Variants in MKI67 observed in about 807,000 individuals in gnomAD.
MKI67 encodes the protein marker of proliferation Ki-67.
Under a neutral mutation model 233.5 loss-of-function variants are expected in MKI67, and 152 were observed. That is an observed-to-expected ratio of 0.65 (90% CI 0.57 to 0.74). The LOEUF (loss-of-function observed/expected upper bound fraction) is 0.74, where lower values mean the gene tolerates loss of function less well. Among genes scored for constraint, MKI67 ranks in the 30% least tolerant of loss-of-function variants. The probability of loss-of-function intolerance (pLI) is 0.00; values close to 1 mark genes in which losing one functional copy is unlikely to be tolerated. For missense variants in MKI67, 3,940 were observed against 3,885.2 expected (o/e 1.01, Z -0.37); for synonymous variants, 1,465 against 1,418.5 (o/e 1.03, Z -0.74).
chr10:128,125,859 A>G lies in MKI67; in HGVS notation c.-89-103T>C, dbSNP rs915658235. On this transcript the variant is annotated intron_variant, in intron 1 of 14. Coordinates refer to ENST00000368654, the MANE Select transcript of MKI67 (RefSeq NM_002417.5). This position sits in a 1 kb window ranked among gnomAD's most constrained non-coding sequence, Gnocchi z 5.3. ...ACAGAAGCGCACACCGCAGCTAGCT[A>G]GCGGGGACCCCAGGACGATCCGACC... is the stretch of plus-strand genomic sequence containing the variant. 5 of 621,086 alleles carry G rather than the reference A, an allele frequency of 8.1e-6. No homozygotes were observed. The African/African-American group carries it at 9.2e-5, about 11-fold the overall frequency. The allele number at this position is 621,086 out of a possible 1,614,324, so 38.5% of individuals were successfully genotyped here.
At chr10:128,119,195 C>T (rs1852873352) in intron 5 of MKI67, 58 bp downstream of exon 5, 2 of 1,215,496 alleles carry the variant, frequency 1.6e-6, no homozygotes, top group Non-Finnish European at 2.4e-6. Flanking sequence ...TTAAAGCATA[C>T]ATAAATGATT....
intron 14 of MKI67, 110 bp from the exon 15 acceptor site, chr10:128,099,365 A>G: frequency 1.7e-6 from 1 of 589,066 alleles, no homozygotes; most frequent in Non-Finnish European, 2.8e-6. Context: ...GCAGGTCCTT[A>G]GTTGCAGAAA....
Position 128,104,761 on chromosome 10 carries a change from G to A in MKI67, c.7079C>T (p.Pro2360Leu). Residue 2360 changes from proline to leucine, a missense_variant, in exon 13 of 15, where the codon CCC becomes CTC. Transcript: ENST00000368654. The part of the protein sequence containing the change: ...VDTPASTKQR[P>L]KRNLRKADVE... ...GTCTGCTTTCCTGAGGTTTCTCTTGGGCCGTTGCTTTGTGCTTGCTGGGGT... is the reference window on the plus strand; with the variant it reads ...GTCTGCTTTCCTGAGGTTTCTCTTGAGCCGTTGCTTTGTGCTTGCTGGGGT... 6.2e-7 allele frequency: 1 copy of A among 1,613,372 alleles called. No individual in the cohort carries two copies. Among genetic ancestry groups the A allele is most frequent in the East Asian group, 2.2e-5 (1 of 44,808 alleles).
In MKI67 at chr10:128,103,697, C is replaced by T; in HGVS notation, c.8143G>A (p.Asp2715Asn). The T allele has an allele frequency of 6.2e-7, 1 of 1,614,082 alleles. No individual in the cohort carries two copies. ...PCESPPLEVV[D>N]TTASTKRHLR... ...TGCCTCTTTGTGCTTGCTGTGGTGT[C>T]TACCACTTCTAGTGGGGGAGATTCG... The change falls in exon 13 of 15, where the codon GAC becomes AAC. Residue 2715 changes from aspartate (D) to asparagine (N), a missense_variant. Physicochemically the swap from Asp to Asn is conservative, Grantham distance 23 (BLOSUM62 1). Transcript: ENST00000368654.
chr10:128,120,940 C>T (rs901773527), intron 4 of MKI67, among the ~76,000 whole-genome samples: 1 of 152,102 alleles, frequency 6.6e-6, no homozygotes, highest in African/African-American at 2.4e-5. Flanking sequence ...CACAAGAGGT[C>T]ACCTGACAAC....
rs534128566 is a variant in MKI67 at position 128,103,168 on chromosome 10, C to T, written c.8672G>A (p.Arg2891Gln). The change falls in exon 13 of 15, where the codon CGG becomes CAG. Residue 2891 changes from arginine (R) to glutamine (Q), a missense_variant. Transcript: ENST00000368654. ...AATTACATCTTCTGCGTCCAGCTTCCGCTTTGCAGGTTGCTTAAATGCTTT... is the reference window on the plus strand; with the variant it reads ...AATTACATCTTCTGCGTCCAGCTTCTGCTTTGCAGGTTGCTTAAATGCTTT... ...GTKAFKQPAKRKLDAEDVIGS... is the reference protein window; with the variant it reads ...GTKAFKQPAKQKLDAEDVIGS... 2.4e-5 allele frequency: 38 copies of T among 1,612,186 alleles called. No homozygotes were observed. The highest frequency in any genetic ancestry group is 5.0e-5 in the Admixed American group (3 of 59,858).
chr10:128,121,081 T>C (rs1416231829), intron 4 of MKI67, among the ~76,000 whole-genome samples: 1 of 151,900 alleles, frequency 6.6e-6, no homozygotes, highest in Non-Finnish European at 1.5e-5. Flanking sequence ...AAGGAAACAT[T>C]AAGCAGAAAA....
In MKI67 at chr10:128,099,049, AC is replaced by A. The variant is rs1348110039; in HGVS notation, c.*140del. On this transcript the variant is annotated 3_prime_UTR_variant, in exon 15 of 15. Transcript: ENST00000368654. Reference sequence around the variant, plus strand: ...AGTGGAGTTTATGAAGCCGATTCAGACCCAGCAAATCCAAAGTTTTCTTCCC... The same window carrying A: ...AGTGGAGTTTATGAAGCCGATTCAGACCAGCAAATCCAAAGTTTTCTTCCC... The A allele has an allele frequency of 1.6e-6, 1 of 607,546 alleles. No homozygotes were observed. Among genetic ancestry groups the A allele is most frequent in the East Asian group, 3.0e-5 (1 of 33,428 alleles). The allele number at this position is 607,546 out of a possible 1,614,324, so 37.6% of individuals were successfully genotyped here.
In MKI67 at chr10:128,103,388, C is replaced by G. The variant is rs765389833; in HGVS notation, c.8452G>C (p.Asp2818His). Reference sequence around the variant, plus strand: ...TTGCAGGGTATTTTAGTGGTTTTGTCATCAGTCATTGATTCTTCAGTGTGA... The same window carrying G: ...TTGCAGGGTATTTTAGTGGTTTTGTGATCAGTCATTGATTCTTCAGTGTGA... ...AGHTEESMTD[D>H]KTTKIPCKSS... The change falls in exon 13 of 15, where the codon GAC (aspartate) becomes CAC (histidine). Residue 2818 changes from aspartate to histidine, a missense_variant. By Grantham distance (81) the Asp-to-His change is moderately conservative. Coordinates refer to ENST00000368654, the MANE Select transcript of MKI67 (RefSeq NM_002417.5). 6.2e-7 allele frequency: 1 copy of G among 1,613,934 alleles called. No individual in the cohort carries two copies.
chr10:128,107,785 A>T lies in MKI67; in HGVS notation c.4055T>A (p.Leu1352His), dbSNP rs371894837. 4 of 1,613,776 alleles carry T rather than the reference A, an allele frequency of 2.5e-6. No homozygotes were observed. The African/African-American group carries it at 5.3e-5, about 22-fold the overall frequency. Residue 1352 changes from leucine (L) to histidine (H), a missense_variant, in exon 13 of 15, where the codon CTC (leucine) becomes CAC (histidine). Coordinates refer to ENST00000368654, the MANE Select transcript of MKI67 (RefSeq NM_002417.5). The part of the protein sequence containing the change: ...ALEDLTGFKE[L>H]FQTPGHTEEA... ...TTCAGTATGACCAGGGGTCTGGAAG[A>T]GCTCTTTAAAGCCAGTCAGGTCTTC...
At position 128,103,036 on chromosome 10, in the gene MKI67, G is replaced by A; in HGVS notation, c.8804C>T (p.Ala2935Val). The A allele has an allele frequency of 6.2e-7, 1 of 1,614,260 alleles. No individual in the cohort carries two copies. The highest frequency in any genetic ancestry group is 1.1e-5 in the South Asian group (1 of 91,086). ...SQTPGHTEEL[A>V]NGAADSFTSA... The stretch of plus-strand genomic sequence containing the variant: ...TGTAAAGCTATCAGCAGCACCATTT[G>A]CCAGTTCCTCAGTGTGGCCTGGTGT... The change falls in exon 13 of 15, where the codon GCA (alanine) becomes GTA (valine). Residue 2935 changes from alanine to valine, a missense_variant. By Grantham distance (64) the Ala-to-Val change is moderately conservative. Transcript: ENST00000368654.
In MKI67 at chr10:128,105,261, G is replaced by A. The variant is rs1380927524; in HGVS notation, c.6579C>T (p.Asp2193=). Residue 2193 remains aspartate (D), a synonymous_variant, in exon 13 of 15, where the codon GAC becomes GAT. Coordinates refer to ENST00000368654, the MANE Select transcript of MKI67 (RefSeq NM_002417.5). ...TPKGKAQPLE[D]LAGLKELFQT... ...GGAAGAGCTCTTTCAAGCCAGCCAA[G>A]TCTTCTAGGGGTTGGGCTTTTCCCT... 1.2e-6 allele frequency: 2 copies of A among 1,614,070 alleles called. No homozygotes were observed. The highest frequency in any genetic ancestry group is 1.7e-6 in the Non-Finnish European group (2 of 1,180,014).
Position 128,115,642 on chromosome 10 carries a change from T to C in MKI67, c.766A>G (p.Asn256Asp). The change falls in exon 7 of 15, where the codon AAT becomes GAT. Residue 256 changes from asparagine (N) to aspartate (D), a missense_variant. Transcript: ENST00000368654. ...GATTTTCTACAATACTGTAGGACAT[T>C]TTCTTTTTGTGATTTTACATCCAAC... The part of the protein sequence containing the change: ...KELDVKSQKE[N>D]VLQYCRKSGL... The C allele has an allele frequency of 6.2e-7, 1 of 1,613,688 alleles. No individual in the cohort carries two copies. The highest frequency in any genetic ancestry group is 8.5e-7 in the Non-Finnish European group (1 of 1,179,972).
chr10:128,119,138 T>C (rs996919530), intron 5 of MKI67, 115 bp downstream of exon 5: 1 of 749,774 alleles, frequency 1.3e-6, no homozygotes, highest in Non-Finnish European at 2.3e-6. Flanking sequence ...ATTTTCCTAC[T>C]ATAACAGTAA....
chr10:128,103,821 G>A lies in MKI67; in HGVS notation c.8019C>T (p.Ala2673=), dbSNP rs61729201. Residue 2673 remains alanine (A), a synonymous_variant, in exon 13 of 15, where the codon GCC becomes GCT. Transcript: ENST00000368654. ...AGCCGGCCAGGTCTTCCAGGGGTTGGGCCTTTTCCTTAGGTGCTCTTGGCC... is the reference window on the plus strand; with the variant it reads ...AGCCGGCCAGGTCTTCCAGGGGTTGAGCCTTTTCCTTAGGTGCTCTTGGCC... ...RRRPRAPKEK[A]QPLEDLAGFT... is the part of the protein sequence containing the mutation. 1,748 of 1,613,526 alleles carry A rather than the reference G, an allele frequency of 1.1e-3. 20 individuals carry two copies. The African/African-American group carries it at 0.02, about 19-fold the overall frequency.
intron 11 of MKI67, chr10:128,111,443 G>T: frequency 1.9e-6 from 1 of 537,630 alleles, no homozygotes; most frequent in Non-Finnish European, 3.2e-6. Context: ...CAGGACATGT[G>T]ATCCCAAAAA....
chr10:128,099,090 A>G lies in MKI67; in HGVS notation c.*100T>C, dbSNP rs1035738796. 5.6e-6 allele frequency: 5 copies of G among 891,490 alleles called. No individual in the cohort carries two copies. In the African/African-American group the frequency reaches 8.5e-5, roughly 15 times the overall value. The allele number at this position is 891,490 out of a possible 1,614,324, so 55.2% of individuals were successfully genotyped here. ...GTTTTCTTCCCTTAAGCAGACTGAC[A>G]GCCTTACTTACAGAATTCACTTGTA... On this transcript the variant is annotated 3_prime_UTR_variant, in exon 15 of 15. Transcript: ENST00000368654.
At chr10:128,122,548 C>T (rs986692503) in intron 4 of MKI67, among the ~76,000 whole-genome samples, 1 of 152,090 alleles carries the variant, frequency 6.6e-6, no homozygotes, top group Non-Finnish European at 1.5e-5. Context: ...GTACCTTTTT[C>T]TCTGTGTATA....
rs918277084 is a variant in MKI67, at chr10:128,103,624, G to A, written c.8216C>T (p.Ala2739Val). 2 of 1,614,170 alleles carry A rather than the reference G, an allele frequency of 1.2e-6. No individual in the cohort carries two copies. The highest frequency in any genetic ancestry group is 1.3e-5 in the African/African-American group (1 of 75,026). ...CCCTGATGTTTGTGTGAACTTGACT[G>A]CTGAAGGCTCTTCTTTTACTTGTAC... ...QKVQVKEEPSAVKFTQTSGET... is the reference protein window; with the variant it reads ...QKVQVKEEPSVVKFTQTSGET... Residue 2739 changes from alanine (A) to valine (V), a missense_variant, in exon 13 of 15, where the codon GCA (alanine) becomes GTA (valine). Physicochemically the swap from Ala to Val is moderately conservative, Grantham distance 64. Transcript: ENST00000368654.
Sources: gnomAD v4.1 joint callset for allele counts (sites outside exome capture counted in the v4.1 genomes callset) on GRCh38, gnomAD v4.1.1 for gene constraint, Gnocchi (gnomAD v3.1) non-coding constraint, MANE v1.5 for transcripts, NCBI Gene and HGNC (gene_info 2026-07-23, HGNC 2026-07-21) for gene names.